The following MED12L variants were observed in gnomAD, a reference collection of about 807,000 sequenced individuals.
The protein encoded by MED12L is mediator of RNA polymerase II transcription subunit 12-like protein.
Under a neutral mutation model 281.3 loss-of-function variants are expected in MED12L, and 60 were observed. The observed-to-expected ratio is 0.21, with a 90% CI of 0.17 to 0.26. The LOEUF (loss-of-function observed/expected upper bound fraction) is 0.26, where lower values mean the gene tolerates loss of function less well. Ranked by LOEUF, MED12L falls within the 10% of genes least tolerant of loss-of-function variation. The pLI is 1.00. For synonymous variants in MED12L, 974 were observed against 987.2 expected, an observed-to-expected ratio of 0.99 and a Z score of 0.25; for missense variants, 2,146 against 2,680.9, an observed-to-expected ratio of 0.80 and a Z score of 4.41.
chr3:151,368,963 G>A (rs1445536646), intron 25 of MED12L, among the ~76,000 whole-genome samples: 1 of 151,794 alleles, frequency 6.6e-6, no homozygotes, highest in Non-Finnish European at 1.5e-5. Flanking sequence ...GGATTTCACT[G>A]TGTTGGCCAG....
At chr3:151,417,024 CATCTT>C (rs1451338213) in intron 43 of MED12L, among the ~76,000 whole-genome samples, 2 of 152,086 alleles carry the variant, frequency 1.3e-5, no homozygotes, top group Non-Finnish European at 2.9e-5. Flanking sequence ...TTTAAACTGT[CATCTT>C]ATTATATTTG....
intron 16 of MED12L, among the ~76,000 whole-genome samples, chr3:151,208,772 A>C (rs991114256): frequency 6.6e-6 from 1 of 152,186 alleles, no homozygotes; most frequent in African/African-American, 2.4e-5. Context: ...CATTTGTGTC[A>C]GGAAATGGAA....
Position 151,431,056 on chromosome 3 carries a change from G to A in MED12L, c.6490+676G>A, listed in dbSNP as rs80019641. Among the ~76,000 whole-genome samples the A allele has an allele frequency of 8.5e-3, 1,294 of 152,222 alleles. 9 individuals are homozygous for A. Among genetic ancestry groups the A allele is most frequent in the Middle Eastern group, 0.034 (10 of 294 alleles). ...CTCCCATGAATTGAATCACCCCTGG[G>A]CGGGTGTCATAGGACGGAAAATCCT... On this transcript the variant is annotated intron_variant, in intron 44 of 44. Transcript: ENST00000687756.
chr3:151,413,017 T>G, intron 41 of MED12L, 122 bp from the exon 42 acceptor site: 1 of 1,093,196 alleles, frequency 9.1e-7, no homozygotes, highest in South Asian at 2.5e-5. Flanking sequence ...TCTATTTGAA[T>G]TGTGCAAAGG....
At chr3:151,373,742 A>G (rs1007164268) in intron 27 of MED12L, among the ~76,000 whole-genome samples, 2 of 152,118 alleles carry the variant, frequency 1.3e-5, no homozygotes, top group East Asian at 1.9e-4. Flanking sequence ...TATTCATCCT[A>G]TCACATCATT....
intron 16 of MED12L, among the ~76,000 whole-genome samples, chr3:151,281,649 C>T (rs530152974): frequency 2.3e-4 from 35 of 152,138 alleles, no homozygotes; most frequent in Non-Finnish European, 2.5e-4. Flanking sequence ...TTCTGAATTC[C>T]CATTTCCTTT....
intron 5 of MED12L, among the ~76,000 whole-genome samples, chr3:151,151,609 T>G (rs1246042338): frequency 1.4e-5 from 2 of 144,800 alleles, no homozygotes; most frequent in Non-Finnish European, 1.5e-5. Context: ...GGAAGAGAGA[T>G]ATGGGACAGA....
At chr3:151,110,438 A>G (rs1470535921) in intron 2 of MED12L, among the ~76,000 whole-genome samples, 1 of 152,166 alleles carries the variant, frequency 6.6e-6, no homozygotes, top group African/African-American at 2.4e-5. Flanking sequence ...GGAGTTTGAG[A>G]AATAATGTCT....
intron 5 of MED12L, among the ~76,000 whole-genome samples, chr3:151,141,166 G>GTTTTTTTTTTTGTTT (rs1716887692): frequency 1.0e-5 from 1 of 98,122 alleles, no homozygotes; most frequent in Non-Finnish European, 1.9e-5. Flanking sequence ...CGTGCCTGGC[G>GTTTTTTTTTTTGTTT]TTTTTTTTTT....
intron 16 of MED12L, among the ~76,000 whole-genome samples, chr3:151,224,585 C>T (rs1338223823): frequency 6.6e-6 from 1 of 152,112 alleles, no homozygotes; most frequent in African/African-American, 2.4e-5. Context: ...TTCTGCATTC[C>T]TGTGGCACTC....
At chr3:151,348,536 A>C (rs1023836938) in intron 16 of MED12L, among the ~76,000 whole-genome samples, 1 of 151,840 alleles carries the variant, frequency 6.6e-6, no homozygotes, top group African/African-American at 2.4e-5. Context: ...AGGATATTAA[A>C]TAAGAACAGC....
intron 24 of MED12L, 142 bp downstream of exon 24, chr3:151,367,908 T>C: frequency 9.8e-7 from 1 of 1,018,444 alleles, no homozygotes; most frequent in Non-Finnish European, 1.4e-6. Flanking sequence ...TATGGTAGAA[T>C]TTTAATAGTT....
intron 38 of MED12L, among the ~76,000 whole-genome samples, chr3:151,392,514 T>C: frequency 1.3e-5 from 2 of 149,268 alleles, no homozygotes; most frequent in Admixed American, 1.3e-4. Context: ...ATAAATAAAT[T>C]TTGAAAAAAA....
intron 5 of MED12L, among the ~76,000 whole-genome samples, chr3:151,155,287 G>T (rs994227742): frequency 1.3e-5 from 2 of 151,756 alleles, no homozygotes; most frequent in African/African-American, 4.8e-5. Context: ...TTTATCCACA[G>T]AATGGGCTAA....
At chr3:151,170,144 C>T (rs1038422000) in intron 11 of MED12L, among the ~76,000 whole-genome samples, 3 of 152,190 alleles carry the variant, frequency 2.0e-5, no homozygotes, top group Non-Finnish European at 4.4e-5. Context: ...GGCCTGGGCC[C>T]TGCCTTGTGG....
At position 151,199,979 on chromosome 3, in the gene MED12L, C is replaced by CA. The variant is rs554723976; in HGVS notation, c.2250+6320dup. ...GTCTCAAAAACAAACAGAAAAAAACCAAAAAAACAAACAAAAAAACCCACA... is the reference window on the plus strand; with the variant it reads ...GTCTCAAAAACAAACAGAAAAAAACCAAAAAAAACAAACAAAAAAACCCACA... On this transcript the variant is annotated intron_variant, in intron 16 of 44. Transcript: ENST00000687756. 6.0e-5 allele frequency among the ~76,000 whole-genome samples: 9 copies of CA among 150,950 alleles called. No homozygotes were observed. The South Asian group carries it at 1.3e-3, about 21-fold the overall frequency.
intron 43 of MED12L, among the ~76,000 whole-genome samples, chr3:151,429,791 T>G (rs944432518): frequency 3.3e-5 from 5 of 152,172 alleles, no homozygotes; most frequent in Non-Finnish European, 5.9e-5. Context: ...AGGGTGGGAT[T>G]AGCGAACCTT....
intron 16 of MED12L, among the ~76,000 whole-genome samples, chr3:151,307,305 A>C (rs1746786926): frequency 6.6e-6 from 1 of 152,150 alleles, no homozygotes; most frequent in Non-Finnish European, 1.5e-5. Context: ...TCTTATTGTA[A>C]TGGAATTAGG....
At chr3:151,160,837 C>T (rs544579512) in intron 8 of MED12L, among the ~76,000 whole-genome samples, 2 of 152,328 alleles carry the variant, frequency 1.3e-5, no homozygotes, top group South Asian at 4.1e-4. Context: ...AGGGGAACCT[C>T]TAGTCCAGCC....
Sources: gnomAD v4.1 joint callset for allele counts (sites outside exome capture counted in the v4.1 genomes callset) on GRCh38, gnomAD v4.1.1 for gene constraint, MANE v1.5 for transcripts, NCBI Gene and HGNC (gene_info 2026-07-23, HGNC 2026-07-21) for gene names.